The following PRKAG2 variants were observed in gnomAD, a reference collection of about 807,000 sequenced individuals.
The protein encoded by PRKAG2 is 5'-AMP-activated protein kinase subunit gamma-2.
Under a neutral mutation model 69.6 loss-of-function variants are expected in PRKAG2, and 26 were observed. The observed-to-expected ratio is 0.37, with a 90% CI of 0.27 to 0.52. The LOEUF is 0.52. Among genes scored for constraint, PRKAG2 ranks in the 20% least tolerant of loss-of-function variants. The pLI, the probability that PRKAG2 is intolerant of heterozygous loss-of-function variation, is 0.90. For synonymous variants in PRKAG2, 293 were observed against 285.0 expected (o/e 1.03, Z -0.28); for missense variants, 557 against 740.0 (o/e 0.75, Z 2.87).
chr7:151,557,242 G>T lies in PRKAG2; in HGVS notation c.1679-10C>A. On this transcript the variant is annotated splice_polypyrimidine_tract_variant and intron_variant, in intron 15 of 15. Transcript: ENST00000287878. ...TCCTTTTGTTTGGCACCTGTCAGTG[G>T]ATGGAAGATGAAAGTTTCAAAGCTC... 3 of 1,614,000 alleles carry T rather than the reference G, an allele frequency of 1.9e-6. No individual in the cohort carries two copies. Among genetic ancestry groups the T allele is most frequent in the Non-Finnish European group, 2.5e-6 (3 of 1,179,954 alleles).
At chr7:151,722,942 T>G (rs994462629) in intron 3 of PRKAG2, among the ~76,000 whole-genome samples, 3 of 152,056 alleles carry the variant, frequency 2.0e-5, no homozygotes, top group African/African-American at 7.2e-5. Flanking sequence ...GCTCCTCTTT[T>G]CTTAGGTCTC....
chr7:151,827,717 A>G (rs2078932032), intron 1 of PRKAG2, among the ~76,000 whole-genome samples: 1 of 138,174 alleles, frequency 7.2e-6, no homozygotes, highest in Admixed American at 7.5e-5. Flanking sequence ...CACATATTCC[A>G]GTAGGAATTT....
intron 3 of PRKAG2, among the ~76,000 whole-genome samples, chr7:151,680,705 C>T (rs1017445483): frequency 1.3e-5 from 2 of 152,182 alleles, no homozygotes; most frequent in East Asian, 1.9e-4. Flanking sequence ...AAGAGGCTGG[C>T]GAAGGCCATA....
chr7:151,702,549 A>G (rs907321594), intron 3 of PRKAG2, among the ~76,000 whole-genome samples: 1 of 152,236 alleles, frequency 6.6e-6, no homozygotes, highest in East Asian at 1.9e-4. Flanking sequence ...ATCTGCCAGG[A>G]AGCCCATCAG....
intron 6 of PRKAG2, among the ~76,000 whole-genome samples, chr7:151,589,012 G>C (rs1812389818): frequency 6.6e-6 from 1 of 152,090 alleles, no homozygotes; most frequent in African/African-American, 2.4e-5. Context: ...GGTGATGCTG[G>C]GACTTTGCAG....
In PRKAG2 at chr7:151,771,654, T is replaced by C. The variant is rs1271783520; in HGVS notation, c.466+9498A>G. Reference sequence around the variant, plus strand: ...TCGCTTCACTGGTTTGTAAATATCTTTGTACATTAGGGATATTAGTCCTCC... The same window carrying C: ...TCGCTTCACTGGTTTGTAAATATCTCTGTACATTAGGGATATTAGTCCTCC... On this transcript the variant is annotated intron_variant, in intron 3 of 15. Coordinates refer to ENST00000287878, the MANE Select transcript of PRKAG2 (RefSeq NM_016203.4). This position sits in a 1 kb window ranked among gnomAD's most constrained non-coding sequence, Gnocchi z 4.0. Among the ~76,000 whole-genome samples, 7 of 152,236 alleles carry C rather than the reference T, an allele frequency of 4.6e-5. No homozygotes were observed. Among genetic ancestry groups the C allele is most frequent in the Non-Finnish European group, 1.0e-4 (7 of 68,048 alleles).
chr7:151,826,200 T>C (rs1167007101), intron 1 of PRKAG2, among the ~76,000 whole-genome samples: 2 of 151,712 alleles, frequency 1.3e-5, no homozygotes, highest in Non-Finnish European at 2.9e-5. Context: ...TGTTTTTTTT[T>C]GACAGAGTCT....
At chr7:151,857,711 G>A (rs2079820887) in intron 1 of PRKAG2, among the ~76,000 whole-genome samples, 1 of 152,246 alleles carries the variant, frequency 6.6e-6, no homozygotes, top group Non-Finnish European at 1.5e-5. Flanking sequence ...CGCATGCTGA[G>A]GACCTGCTGG....
intron 3 of PRKAG2, among the ~76,000 whole-genome samples, chr7:151,703,403 G>A (rs1343716843): frequency 6.6e-6 from 1 of 152,158 alleles, no homozygotes; most frequent in East Asian, 1.9e-4. Context: ...TCTGCTCTCC[G>A]CTGTGGCCGG....
At chr7:151,600,710 T>C (rs930015183) in intron 5 of PRKAG2, among the ~76,000 whole-genome samples, 1 of 152,184 alleles carries the variant, frequency 6.6e-6, no homozygotes, top group African/African-American at 2.4e-5. Flanking sequence ...CAGTCTCCTG[T>C]AGCCTTTGAC....
chr7:151,658,125 T>G lies in PRKAG2; in HGVS notation c.684+17295A>C, dbSNP rs1034988521. On this transcript the variant is annotated intron_variant, in intron 4 of 15. Coordinates refer to ENST00000287878, the MANE Select transcript of PRKAG2 (RefSeq NM_016203.4). ...GTGAGCCGAGATTGCGCCACTGTAC[T>G]CCAGCCTGGTGACAGAGCAAGAGTC... 2.0e-5 allele frequency among the ~76,000 whole-genome samples: 3 copies of G among 149,138 alleles called. No individual in the cohort carries two copies. The Admixed American group carries it at 2.0e-4, about 10-fold the overall frequency.
At chr7:151,588,625 G>A (rs187793535) in intron 6 of PRKAG2, among the ~76,000 whole-genome samples, 1 of 152,068 alleles carries the variant, frequency 6.6e-6, no homozygotes, top group East Asian at 1.9e-4. Context: ...CTCCCAAAGT[G>A]CTGGGATTAC....
chr7:151,596,858 C>T (rs1814667163), intron 5 of PRKAG2, among the ~76,000 whole-genome samples: 1 of 152,116 alleles, frequency 6.6e-6, no homozygotes, highest in African/African-American at 2.4e-5. Flanking sequence ...ACCACACTAT[C>T]CACTGTGATC....
At chr7:151,854,141 G>A (rs962825836) in intron 1 of PRKAG2, among the ~76,000 whole-genome samples, 72 of 152,210 alleles carry the variant, frequency 4.7e-4, no homozygotes, top group African/African-American at 1.6e-3. Flanking sequence ...CCAGAGAGAA[G>A]AAGCCTCCAC....
chr7:151,640,662 G>T (rs1356271019), intron 4 of PRKAG2, among the ~76,000 whole-genome samples: 2 of 151,024 alleles, frequency 1.3e-5, no homozygotes, highest in Non-Finnish European at 2.9e-5. Context: ...TTCCCCCACC[G>T]CCTTCCTTCC....
intron 4 of PRKAG2, among the ~76,000 whole-genome samples, chr7:151,633,709 T>C (rs1382280617): frequency 1.3e-5 from 2 of 152,172 alleles, no homozygotes; most frequent in Non-Finnish European, 2.9e-5. Context: ...CCATGTATAG[T>C]AGCTGTATGC....
intron 4 of PRKAG2, among the ~76,000 whole-genome samples, chr7:151,635,439 C>T (rs868067615): frequency 1.3e-5 from 2 of 152,100 alleles, no homozygotes; most frequent in African/African-American, 2.4e-5. Flanking sequence ...TAACAGATGT[C>T]GTTCAATGGA....
intron 6 of PRKAG2, among the ~76,000 whole-genome samples, chr7:151,581,841 A>T (rs1403198154): frequency 6.6e-6 from 1 of 152,194 alleles, no homozygotes; most frequent in African/African-American, 2.4e-5. Flanking sequence ...CTGCTTCCCC[A>T]TAATAAATTC....
chr7:151,612,200 G>A (rs1168843924), intron 5 of PRKAG2, among the ~76,000 whole-genome samples: 1 of 152,188 alleles, frequency 6.6e-6, no homozygotes, highest in Non-Finnish European at 1.5e-5. Context: ...TGCTCAGCCT[G>A]TCTCTCCCCA....
Sources: gnomAD v4.1 joint callset for allele counts (sites outside exome capture counted in the v4.1 genomes callset) on GRCh38, gnomAD v4.1.1 for gene constraint, Gnocchi (gnomAD v3.1) non-coding constraint, MANE v1.5 for transcripts, NCBI Gene and HGNC (gene_info 2026-07-23, HGNC 2026-07-21) for gene names.